The following INSYN2B variants were observed in gnomAD, a reference collection of about 807,000 sequenced individuals.
The protein encoded by INSYN2B is inhibitory synaptic factor family member 2B.
A neutral mutation model predicts 41.2 loss-of-function variants in INSYN2B; 16 were observed. The observed-to-expected ratio is 0.39, with a 90% CI of 0.26 to 0.59. INSYN2B has a LOEUF of 0.59. Ranked by LOEUF, INSYN2B falls within the 20% of genes least tolerant of loss-of-function variation. INSYN2B has a pLI of 0.57. For missense variants in INSYN2B, 608 were observed against 646.4 expected, an observed-to-expected ratio of 0.94 and a Z score of 0.64; for synonymous variants, 245 against 244.4, an observed-to-expected ratio of 1.00 and a Z score of -0.02.
intron 1 of INSYN2B, among the ~76,000 whole-genome samples, chr5:169,894,680 A>G (rs1164953204): frequency 6.6e-6 from 1 of 152,218 alleles, no homozygotes; most frequent in Admixed American, 6.5e-5. Context: ...CATTTCTGAG[A>G]TGAGTAAACA....
chr5:169,936,570 T>C (rs771437502), intron 1 of INSYN2B, among the ~76,000 whole-genome samples: 210 of 147,364 alleles, frequency 1.4e-3, no homozygotes, highest in Non-Finnish European at 2.6e-3. Flanking sequence ...TTGGTGATTC[T>C]CAGACTCCTT....
At chr5:169,878,200 G>A (rs1049415634) in intron 3 of INSYN2B, among the ~76,000 whole-genome samples, 1 of 152,190 alleles carries the variant, frequency 6.6e-6, no homozygotes, top group Non-Finnish European at 1.5e-5. Context: ...GGGACCTCGT[G>A]CCCTTGAGAA....
intron 1 of INSYN2B, among the ~76,000 whole-genome samples, chr5:169,930,873 C>T (rs953481054): frequency 1.3e-5 from 2 of 152,140 alleles, no homozygotes; most frequent in Admixed American, 6.5e-5. Flanking sequence ...ACATTCACAA[C>T]AAATTAGCCA....
chr5:169,943,816 G>A (rs1776338608), intron 1 of INSYN2B, among the ~76,000 whole-genome samples: 1 of 152,198 alleles, frequency 6.6e-6, no homozygotes, highest in Non-Finnish European at 1.5e-5. Flanking sequence ...CAGCCCCCAA[G>A]GTGACTCTGA....
rs1210443083 is a variant in INSYN2B at position 169,882,861 on chromosome 5, A to C, written c.1038T>G (p.Ser346Arg). 2 of 1,551,194 alleles carry C rather than the reference A, an allele frequency of 1.3e-6. No homozygotes were observed. Among genetic ancestry groups the C allele is most frequent in the Admixed American group, 2.0e-5 (1 of 50,992 alleles). ...GACACCCAGGGGCAGATTTCGATGC[A>C]CTGTTAGTTTTGAGTGACACCAGAT... is the stretch of plus-strand genomic sequence containing the variant. Reference protein sequence around the residue: ...HQNLVSLKTNSASKSAPGCQE... With the variant: ...HQNLVSLKTNRASKSAPGCQE... Residue 346 changes from serine (S) to arginine (R), a missense_variant, in exon 2 of 4, where the codon AGT (serine) becomes AGG (arginine). Coordinates refer to ENST00000377365, the MANE Select transcript of INSYN2B (RefSeq NM_001129891.3).
At chr5:169,925,104 AC>A (rs113229727) in intron 1 of INSYN2B, among the ~76,000 whole-genome samples, 16 of 151,806 alleles carry the variant, frequency 1.1e-4, no homozygotes, top group African/African-American at 3.4e-4. Context: ...ATCCACCCCA[AC>A]CCCCCATTCA....
chr5:169,922,138 T>C (rs538131972), intron 1 of INSYN2B, among the ~76,000 whole-genome samples: 22 of 152,342 alleles, frequency 1.4e-4, no homozygotes, highest in Non-Finnish European at 2.8e-4. Flanking sequence ...ACTGCAGTAA[T>C]GTCAGTCATC....
rs1361004065 is a variant in INSYN2B at position 169,863,263 on chromosome 5, CAGGA to C, written c.*1006_*1009del. 6.6e-6 allele frequency among the ~76,000 whole-genome samples: 1 copy of C among 152,142 alleles called. No homozygotes were observed. Among genetic ancestry groups the C allele is most frequent in the Non-Finnish European group, 1.5e-5 (1 of 68,022 alleles). On this transcript the variant is annotated 3_prime_UTR_variant, in exon 4 of 4. Coordinates refer to ENST00000377365, the MANE Select transcript of INSYN2B (RefSeq NM_001129891.3). ...AATCAGGTGACCATTGTCTGGTCAC[CAGGA>C]AGGGAGACTGTGTCGATTAATATAT... is the stretch of plus-strand genomic sequence containing the variant.
chr5:169,936,786 C>T (rs73800248), intron 1 of INSYN2B, among the ~76,000 whole-genome samples: 2,029 of 152,140 alleles, frequency 0.013, 40 homozygotes, highest in African/African-American at 0.047. Context: ...CTAATTAAGA[C>T]GTGGCAATGC....
chr5:169,969,724 G>A (rs569858871), intron 1 of INSYN2B, among the ~76,000 whole-genome samples: 2 of 151,276 alleles, frequency 1.3e-5, no homozygotes, highest in Non-Finnish European at 2.9e-5. Context: ...AACTGTCCTG[G>A]TTACCTAGGA....
chr5:169,937,289 C>A (rs1043166788), intron 1 of INSYN2B, among the ~76,000 whole-genome samples: 1 of 152,146 alleles, frequency 6.6e-6, no homozygotes, highest in Non-Finnish European at 1.5e-5. Context: ...AAAAATCTGA[C>A]CCTTTGAGAA....
chr5:169,864,158 A>G lies in INSYN2B; in HGVS notation c.*115T>C. ...CAAGGCTCTTCTGTTTCACAGGCCA[A>G]GGGGCTCACAGCCCAGGGCCTTTGC... is the stretch of plus-strand genomic sequence containing the variant. On this transcript the variant is annotated 3_prime_UTR_variant, in exon 4 of 4. Coordinates refer to ENST00000377365, the MANE Select transcript of INSYN2B (RefSeq NM_001129891.3). 1.1e-6 allele frequency: 1 copy of G among 925,068 alleles called. No individual in the cohort carries two copies. Among genetic ancestry groups the G allele is most frequent in the East Asian group, 2.6e-5 (1 of 38,194 alleles). The allele number at this position is 925,068 out of a possible 1,614,324, so 57.3% of individuals were successfully genotyped here. A position where few individuals can be genotyped will look rare whatever the true frequency, so the allele number is the denominator to read the frequency against.
rs180750446 is a variant in INSYN2B, at chr5:169,931,246, G to A, written c.-918-46430C>T. ...TACATGTGCATCCCAAAGACGACCAGGAGAGTGAGGAAGGCTTGGCTCAAC... is the reference window on the plus strand; with the variant it reads ...TACATGTGCATCCCAAAGACGACCAAGAGAGTGAGGAAGGCTTGGCTCAAC... On this transcript the variant is annotated intron_variant, in intron 1 of 3. Transcript: ENST00000377365. Among the ~76,000 whole-genome samples the A allele has an allele frequency of 2.6e-5, 4 of 152,348 alleles. 1 individual carries two copies. Among genetic ancestry groups the A allele is most frequent in the Non-Finnish European group, 5.9e-5 (4 of 68,030 alleles).
intron 1 of INSYN2B, among the ~76,000 whole-genome samples, chr5:169,932,698 T>C (rs747312931): frequency 1.3e-5 from 2 of 152,204 alleles, no homozygotes; most frequent in African/African-American, 4.8e-5. Flanking sequence ...CTGTTCCCTA[T>C]ATTCCAGTCT....
chr5:169,880,850 C>A (rs1772599726), intron 3 of INSYN2B, among the ~76,000 whole-genome samples: 1 of 152,184 alleles, frequency 6.6e-6, no homozygotes, highest in South Asian at 2.1e-4. Flanking sequence ...AGCAAACTTA[C>A]TCTGTGCTAG....
chr5:169,936,709 C>G (rs895054089), intron 1 of INSYN2B, among the ~76,000 whole-genome samples: 18 of 151,720 alleles, frequency 1.2e-4, no homozygotes, highest in African/African-American at 4.4e-4. Context: ...GGGGCGCGCT[C>G]CAGCCTATAT....
At chr5:169,966,027 A>G (rs987691827) in intron 1 of INSYN2B, among the ~76,000 whole-genome samples, 4 of 152,220 alleles carry the variant, frequency 2.6e-5, no homozygotes, top group Admixed American at 2.0e-4. Flanking sequence ...GGAAAAATCC[A>G]CTGCCTTCCG....
intron 1 of INSYN2B, among the ~76,000 whole-genome samples, chr5:169,968,000 T>G (rs1310537324): frequency 1.3e-5 from 2 of 152,142 alleles, no homozygotes; most frequent in Non-Finnish European, 2.9e-5. Context: ...AGGATCATGT[T>G]GACATGTTAA....
chr5:169,937,972 AG>A (rs1227697122), intron 1 of INSYN2B, among the ~76,000 whole-genome samples: 1 of 152,232 alleles, frequency 6.6e-6, no homozygotes, highest in African/African-American at 2.4e-5. Context: ...CATCACCCCC[AG>A]GTATGGCCAG....
Sources: allele counts gnomAD v4.1 joint callset (sites outside exome capture counted in the v4.1 genomes callset), GRCh38; gene constraint gnomAD v4.1.1; transcripts MANE v1.5; gene names NCBI Gene and HGNC (gene_info 2026-07-23, HGNC 2026-07-21).